ZBTB20: variants seen among roughly 807,000 people sequenced by gnomAD.
The protein encoded by ZBTB20 is zinc finger and BTB domain-containing protein 20.
Under a neutral mutation model 56.9 loss-of-function variants are expected in ZBTB20, and 9 were observed. That is an observed-to-expected ratio of 0.16 (90% CI 0.10 to 0.28). The LOEUF (loss-of-function observed/expected upper bound fraction) is 0.28. ZBTB20 is among the 10% of genes least tolerant of loss of function. ZBTB20 has a pLI of 1.00. For synonymous variants in ZBTB20, 417 were observed against 420.7 expected (o/e 0.99, Z 0.11); for missense variants, 655 against 1,003.0 (o/e 0.65, Z 4.69).
intron 4 of ZBTB20, among the ~76,000 whole-genome samples, chr3:114,878,232 G>A (rs750952669): frequency 3.3e-5 from 5 of 151,946 alleles, no homozygotes; most frequent in African/African-American, 9.7e-5. Flanking sequence ...ATTCCACTGC[G>A]ATAAAGCTCT....
Position 114,898,715 on chromosome 3 carries a change from A to G in ZBTB20, c.-417+1589T>C, listed in dbSNP as rs577078324. ...TGTTTCCTACTTCCAAAGAGGTTAAATTAATACCAAAGTGATTTGTTAAAA... is the reference window on the plus strand; with the variant it reads ...TGTTTCCTACTTCCAAAGAGGTTAAGTTAATACCAAAGTGATTTGTTAAAA... On this transcript the variant is annotated intron_variant, in intron 4 of 11. Transcript: ENST00000675478. Among the ~76,000 whole-genome samples, 4 of 152,264 alleles carry G rather than the reference A, an allele frequency of 2.6e-5. No homozygotes were observed. The South Asian group carries it at 8.3e-4, about 31-fold the overall frequency.
chr3:114,882,643 T>G (rs1390400844), intron 4 of ZBTB20, among the ~76,000 whole-genome samples: 2 of 151,946 alleles, frequency 1.3e-5, no homozygotes, highest in Non-Finnish European at 2.9e-5. Context: ...ATAAACACTA[T>G]AAAATTTCTA....
At chr3:114,582,440 A>C (rs776913994) in intron 6 of ZBTB20, among the ~76,000 whole-genome samples, 15 of 151,426 alleles carry the variant, frequency 9.9e-5, no homozygotes, top group Admixed American at 7.9e-4. Flanking sequence ...GCTGGAGTGC[A>C]ATGGTGCCAT....
intron 11 of ZBTB20, among the ~76,000 whole-genome samples, chr3:114,345,088 G>A (rs889718731): frequency 6.6e-6 from 1 of 152,224 alleles, no homozygotes; most frequent in African/African-American, 2.4e-5. Flanking sequence ...TGAAAAGAAT[G>A]TATCTGTGTA....
At chr3:115,093,778 T>C (rs956071314) in intron 1 of ZBTB20, among the ~76,000 whole-genome samples, 3 of 152,258 alleles carry the variant, frequency 2.0e-5, no homozygotes, top group Middle Eastern at 3.4e-3. Context: ...AACCTGGCAG[T>C]GGATGTTCTA....
chr3:114,609,952 T>A (rs2057430859), intron 6 of ZBTB20, among the ~76,000 whole-genome samples: 1 of 152,160 alleles, frequency 6.6e-6, no homozygotes. Flanking sequence ...TCTGTTTAAT[T>A]ATGTCAGTGA....
chr3:114,354,685 G>A (rs1184874717), intron 10 of ZBTB20, among the ~76,000 whole-genome samples: 3 of 150,330 alleles, frequency 2.0e-5, no homozygotes, highest in Admixed American at 6.7e-5. Context: ...GGGTTTAAGC[G>A]ATTCTTGTGC....
chr3:115,037,087 T>G (rs1467044616), intron 2 of ZBTB20, among the ~76,000 whole-genome samples: 1 of 152,210 alleles, frequency 6.6e-6, no homozygotes, highest in Non-Finnish European at 1.5e-5. Context: ...TCATTACTGT[T>G]TATTAAGCTT....
chr3:114,739,050 G>A (rs1338571140), intron 5 of ZBTB20, among the ~76,000 whole-genome samples: 2 of 152,178 alleles, frequency 1.3e-5, no homozygotes, highest in Non-Finnish European at 1.5e-5. Context: ...GATTACAGGT[G>A]TGAGCCATCA....
At chr3:115,121,126 G>T (rs184935002) in intron 1 of ZBTB20, among the ~76,000 whole-genome samples, 3 of 151,862 alleles carry the variant, frequency 2.0e-5, no homozygotes, top group South Asian at 2.1e-4. Flanking sequence ...GTTGAGCTAC[G>T]GTCAGTTTTA....
At chr3:114,401,694 G>C (rs2086838664) in intron 7 of ZBTB20, among the ~76,000 whole-genome samples, 1 of 151,996 alleles carries the variant, frequency 6.6e-6, no homozygotes. Context: ...TGTAATACAT[G>C]ATGAGGTCTT....
intron 5 of ZBTB20, among the ~76,000 whole-genome samples, chr3:114,745,125 T>TGTGATA (rs1453838542): frequency 1.3e-5 from 2 of 152,134 alleles, no homozygotes; most frequent in African/African-American, 4.8e-5. Flanking sequence ...ACTGGGCTAT[T>TGTGATA]GTGATAGTGA....
At chr3:114,478,074 G>T (rs543288578) in intron 7 of ZBTB20, among the ~76,000 whole-genome samples, 1 of 150,994 alleles carries the variant, frequency 6.6e-6, no homozygotes, top group Non-Finnish European at 1.5e-5. Context: ...CCTGCCTCCT[G>T]GGTTCATGAG....
intron 10 of ZBTB20, among the ~76,000 whole-genome samples, chr3:114,370,026 GAAGAAGTAGAGA>G (rs2082831335): frequency 6.6e-6 from 1 of 152,182 alleles, no homozygotes; most frequent in Non-Finnish European, 1.5e-5. Flanking sequence ...GCAATGTTGA[GAAGAAGTAGAGA>G]AAGAACCAGT....
intron 4 of ZBTB20, among the ~76,000 whole-genome samples, chr3:114,841,130 G>C (rs916403326): frequency 5.9e-5 from 9 of 151,974 alleles, no homozygotes; most frequent in Non-Finnish European, 8.8e-5. Context: ...GGATAATTTA[G>C]GCAAAACAAT....
At chr3:115,108,926 A>G (rs2083798351) in intron 1 of ZBTB20, among the ~76,000 whole-genome samples, 2 of 152,204 alleles carry the variant, frequency 1.3e-5, no homozygotes, top group South Asian at 2.1e-4. Context: ...TAAGATTATT[A>G]TGCTATTATA....
At chr3:115,108,169 CA>C (rs2083777629) in intron 1 of ZBTB20, among the ~76,000 whole-genome samples, 1 of 151,780 alleles carries the variant, frequency 6.6e-6, no homozygotes, top group South Asian at 2.1e-4. Flanking sequence ...TATTCCCATA[CA>C]ACTATCAGAA....
At chr3:114,784,196 T>C (rs1341117166) in intron 5 of ZBTB20, among the ~76,000 whole-genome samples, 1 of 152,200 alleles carries the variant, frequency 6.6e-6, no homozygotes, top group Non-Finnish European at 1.5e-5. Flanking sequence ...TTTTTCTTTC[T>C]ATAGTTAACT....
chr3:114,975,936 T>A (rs953448361), intron 2 of ZBTB20, among the ~76,000 whole-genome samples: 1 of 152,186 alleles, frequency 6.6e-6, no homozygotes. Flanking sequence ...TACTAGGATA[T>A]CAATGAATAT....
Sources: gnomAD v4.1 joint callset for allele counts (sites outside exome capture counted in the v4.1 genomes callset) on GRCh38, gnomAD v4.1.1 for gene constraint, MANE v1.5 for transcripts, NCBI Gene and HGNC (gene_info 2026-07-23, HGNC 2026-07-21) for gene names.